Variants in WDR81 observed in about 807,000 individuals in gnomAD.
WDR81 encodes WD repeat-containing protein 81.
WDR81 carries 92 observed loss-of-function variants against 140.8 expected under a neutral mutation model. The observed-to-expected ratio is 0.65, with a 90% CI of 0.55 to 0.78. The LOEUF (loss-of-function observed/expected upper bound fraction) is 0.78. Among genes scored for constraint, WDR81 ranks in the 30% least tolerant of loss-of-function variants. The pLI is 0.00. For synonymous variants in WDR81, 1,183 were observed against 1,156.4 expected (o/e 1.02, Z -0.47); for missense variants, 2,502 against 2,636.4 (o/e 0.95, Z 1.12).
chr17:1,726,678 T>G lies in WDR81; in HGVS notation c.1719T>G (p.Thr573=). The change falls in exon 1 of 10, where the codon ACT becomes ACG. Residue 573 remains threonine (T), a synonymous_variant. Transcript: ENST00000409644. The part of the protein sequence containing the change: ...NVCLHLVDAH[T]HLASYGVVQL... ...GTCTGCACCTGGTGGACGCCCACAC[T>G]CACCTGGCCAGCTACGGGGTGGTGC... is the stretch of plus-strand genomic sequence containing the variant. 6.5e-7 allele frequency: 1 copy of G among 1,549,922 alleles called. No individual in the cohort carries two copies. The highest frequency in any genetic ancestry group is 8.7e-7 in the Non-Finnish European group (1 of 1,146,950).
intron 1 of WDR81, among the ~76,000 whole-genome samples, chr17:1,719,045 C>T (rs1914729795): frequency 6.6e-6 from 1 of 151,966 alleles, no homozygotes; most frequent in African/African-American, 2.4e-5. Context: ...GTTTTGACAA[C>T]CAAAAGTATC....
At chr17:1,723,809 A>G (rs928626426), upstream of WDR81, among the ~76,000 whole-genome samples, 1 of 151,958 alleles carries the variant, frequency 6.6e-6, no homozygotes, top group African/African-American at 2.4e-5. Flanking sequence ...AAAAGCCGTG[A>G]GAGGGCTGTC....
chr17:1,728,556 G>T lies in WDR81; in HGVS notation c.3597G>T (p.Gly1199=). 6.6e-7 allele frequency: 1 copy of T among 1,525,564 alleles called. No individual in the cohort carries two copies. Among genetic ancestry groups the T allele is most frequent in the East Asian group, 2.4e-5 (1 of 41,156 alleles). 94.5% of individuals were successfully genotyped at this position (1,525,564 alleles called of 1,614,324 possible). A position where few individuals can be genotyped will look rare whatever the true frequency, so the allele number is the denominator to read the frequency against. Residue 1199 remains glycine, a synonymous_variant, in exon 1 of 10, where the codon GGG becomes GGT. Transcript: ENST00000409644. Reference sequence around the variant, plus strand: ...AGACGGTTGTGGCCGGCGGCAGTGGGGGAGATGGAGAAGAAGAGGAGGAGG... The same window carrying T: ...AGACGGTTGTGGCCGGCGGCAGTGGTGGAGATGGAGAAGAAGAGGAGGAGG... The part of the protein sequence containing the change: ...SMETVVAGGS[G]GDGEEEEEAL...
chr17:1,730,589 A>G (rs1818269486), intron 2 of WDR81, 102 bp downstream of exon 2: 2 of 1,405,860 alleles, frequency 1.4e-6, no homozygotes, highest in Admixed American at 2.2e-5. Flanking sequence ...CCTCCCTCAA[A>G]CCACCCCCCG....
intron 7 of WDR81, among the ~76,000 whole-genome samples, chr17:1,734,778 C>T (rs112262862): frequency 1.7e-5 from 2 of 115,010 alleles, no homozygotes; most frequent in East Asian, 6.7e-4. Context: ...GACTCTGTCT[C>T]AAAAAAAAAA....
upstream of WDR81, among the ~76,000 whole-genome samples, chr17:1,722,644 C>T (rs1382454366): frequency 6.6e-6 from 1 of 150,786 alleles, no homozygotes. Context: ...CGCACCCGGC[C>T]CTCCTATTTT....
At position 1,726,045 on chromosome 17, in the gene WDR81, C is replaced by T; in HGVS notation, c.1086C>T (p.Tyr362=). 2 of 1,547,118 alleles carry T rather than the reference C, an allele frequency of 1.3e-6. No individual in the cohort carries two copies. Among genetic ancestry groups the T allele is most frequent in the Non-Finnish European group, 1.7e-6 (2 of 1,144,642 alleles). ...WVHGRISNFH[Y]LMQLNRLAGR... is the part of the protein sequence containing the mutation. ...ACGGCCGCATCAGCAACTTCCACTA[C>T]CTCATGCAGCTGAATCGGTTGGCAG... Residue 362 remains tyrosine (Y), a synonymous_variant, in exon 1 of 10, where the codon TAC becomes TAT. Transcript: ENST00000409644.
intron 8 of WDR81, 34 bp from the exon 9 acceptor site, chr17:1,736,005 G>A (rs1478246145): frequency 3.8e-6 from 6 of 1,561,142 alleles, no homozygotes; most frequent in African/African-American, 1.3e-5. Flanking sequence ...AGATGGGAAG[G>A]TGGTGCCTCA....
intron 7 of WDR81, among the ~76,000 whole-genome samples, 179 bp downstream of exon 7, chr17:1,734,395 G>A (rs1439468816): frequency 5.3e-5 from 8 of 152,238 alleles, no homozygotes; most frequent in Admixed American, 4.6e-4. Context: ...TGGCTCCACC[G>A]GCTTACTTGC....
chr17:1,722,812 C>A (rs929471645), upstream of WDR81, among the ~76,000 whole-genome samples: 5 of 151,976 alleles, frequency 3.3e-5, no homozygotes, highest in African/African-American at 1.2e-4. Context: ...CCTGCCTCAG[C>A]CTCCTGAGTA....
At chr17:1,728,679 G>A (rs1346185054) in intron 1 of WDR81, 53 bp downstream of exon 1, 2 of 1,441,896 alleles carry the variant, frequency 1.4e-6, no homozygotes, top group Non-Finnish European at 1.8e-6. Flanking sequence ...TGCTGGCCGA[G>A]CACAGTGGTT....
At position 1,726,320 on chromosome 17, in the gene WDR81, A is replaced by G. The variant is rs1237330853; in HGVS notation, c.1361A>G (p.Lys454Arg). The part of the protein sequence containing the change: ...VLSDITYYVY[K>R]ARRTPRSVLC... The stretch of plus-strand genomic sequence containing the variant: ...TCCGACATCACGTACTATGTGTACA[A>G]GGCTCGGCGCACGCCTCGGTCGGTG... The change falls in exon 1 of 10, where the codon AAG becomes AGG. Residue 454 changes from lysine to arginine, a missense_variant. Physicochemically the swap from Lys to Arg is conservative, Grantham distance 26. Coordinates refer to ENST00000409644, the MANE Select transcript of WDR81 (RefSeq NM_001163809.2). The G allele has an allele frequency of 2.7e-5, 42 of 1,544,356 alleles. No homozygotes were observed. Among genetic ancestry groups the G allele is most frequent in the Non-Finnish European group, 3.3e-5 (38 of 1,142,808 alleles).
chr17:1,732,681 C>T lies in WDR81; in HGVS notation c.4339C>T (p.Pro1447Ser). 6.2e-7 allele frequency: 1 copy of T among 1,606,868 alleles called. No homozygotes were observed. The highest frequency in any genetic ancestry group is 8.5e-7 in the Non-Finnish European group (1 of 1,176,550). ...ELRQQDLKLD[P>S]AGRGEGQLPQ... ...TTGCTCATAGGATCTGAAGCTGGACCCTGCGGGCCGTGGTGAGGGCCAGCT... is the reference window on the plus strand; with the variant it reads ...TTGCTCATAGGATCTGAAGCTGGACTCTGCGGGCCGTGGTGAGGGCCAGCT... The change falls in exon 6 of 10, where the codon CCT becomes TCT. Residue 1447 changes from proline to serine, a missense_variant. Around this residue, in one of 3 missense-constraint regions of WDR81, gnomAD observed 1,737 missense variants for 1,843.0 expected, o/e 0.94. Coordinates refer to ENST00000409644, the MANE Select transcript of WDR81 (RefSeq NM_001163809.2).
intron 1 of WDR81, among the ~76,000 whole-genome samples, chr17:1,717,994 G>C (rs996457925): frequency 1.3e-5 from 2 of 152,144 alleles, no homozygotes; most frequent in African/African-American, 4.8e-5. Context: ...TTGGGGTTCA[G>C]AACGCTGCTT....
Position 1,727,962 on chromosome 17 carries a change from C to T in WDR81, c.3003C>T (p.Leu1001=). ...TGCGGCTGGGCCTGCAGGCATTTCT[C>T]ACTCACCTGCTGCCCCATGTCCTGC... ...LMVRLGLQAF[L]THLLPHVLQV... Residue 1001 remains leucine, a synonymous_variant, in exon 1 of 10, where the codon CTC becomes CTT. Transcript: ENST00000409644. 1.9e-6 allele frequency: 3 copies of T among 1,550,304 alleles called. No individual in the cohort carries two copies. Among genetic ancestry groups the T allele is most frequent in the Non-Finnish European group, 2.6e-6 (3 of 1,147,014 alleles).
rs1338444351 is a variant in WDR81 at position 1,730,416 on chromosome 17, A to C, written c.3704A>C (p.Lys1235Thr). 1.2e-6 allele frequency: 2 copies of C among 1,613,202 alleles called. No homozygotes were observed. The highest frequency in any genetic ancestry group is 2.2e-5 in the South Asian group (2 of 91,052). Reference protein sequence around the residue: ...ACKMVRWLSAKLGPTVASRHV... With the variant: ...ACKMVRWLSATLGPTVASRHV... ...AAGATGGTCCGCTGGCTGTCTGCCA[A>C]GCTCGGCCCCACAGTGGCCTCTCGC... Residue 1235 changes from lysine to threonine, a missense_variant, in exon 2 of 10, where the codon AAG becomes ACG. Lys to Thr is a moderately conservative substitution (Grantham distance 78). Coordinates refer to ENST00000409644, the MANE Select transcript of WDR81 (RefSeq NM_001163809.2).
rs1255302526 is a variant in WDR81 at position 1,732,843 on chromosome 17, T to G, written c.4489+12T>G. The G allele has an allele frequency of 6.3e-7, 1 of 1,585,854 alleles. No individual in the cohort carries two copies. Among genetic ancestry groups the G allele is most frequent in the African/African-American group, 1.3e-5 (1 of 74,260 alleles). On this transcript the variant is annotated intron_variant, in intron 6 of 9. Coordinates refer to ENST00000409644, the MANE Select transcript of WDR81 (RefSeq NM_001163809.2). ...CTCCTGCCTGTTGGGTACTGCCCCA[T>G]CACGTTCCCCATCACAGTCTTCGTG...
In WDR81 at chr17:1,735,875, A is replaced by G. The variant is rs562591822; in HGVS notation, c.5325+158A>G. On this transcript the variant is annotated intron_variant, in intron 8 of 9. Transcript: ENST00000409644. This position sits in a 1 kb window ranked among gnomAD's most constrained non-coding sequence, Gnocchi z 4.2. ...CCCACAGCCACACATCCTGCGGGGC[A>G]GGACTCTGGCCTGTGATGGGGGTGG... The G allele has an allele frequency of 2.0e-3, 2,772 of 1,365,730 alleles. 8 individuals are homozygous for G. The highest frequency in any genetic ancestry group is 2.3e-3 in the Non-Finnish European group (2,298 of 1,019,746). The allele number at this position is 1,365,730 out of a possible 1,614,324, so 84.6% of individuals were successfully genotyped here.
At chr17:1,730,559 C>G (rs755332943) in intron 2 of WDR81, 72 bp downstream of exon 2, 65 of 1,494,110 alleles carry the variant, frequency 4.4e-5, no homozygotes, top group Non-Finnish European at 5.9e-5. Context: ...CAGCGCTCTC[C>G]GGCGGGGATC....
Sources: allele counts gnomAD v4.1 joint callset (sites outside exome capture counted in the v4.1 genomes callset), GRCh38; gene constraint gnomAD v4.1.1; regional missense constraint gnomAD v4.1.1; non-coding constraint Gnocchi (gnomAD v3.1); transcripts MANE v1.5; gene names NCBI Gene and HGNC (gene_info 2026-07-23, HGNC 2026-07-21).